Variants in TBC1D5 observed in about 807,000 individuals in gnomAD.
TBC1D5 encodes TBC1 domain family, member 5.
A neutral mutation model predicts 100.3 loss-of-function variants in TBC1D5; 75 were observed. The ratio of observed to expected loss-of-function variants is 0.75; its 90% CI spans 0.62 to 0.91. The LOEUF (loss-of-function observed/expected upper bound fraction) is 0.91. TBC1D5 is among the 40% of genes least tolerant of loss of function. The pLI is 0.00. For missense variants in TBC1D5, 910 were observed against 942.4 expected, an observed-to-expected ratio of 0.97 and a Z score of 0.45; for synonymous variants, 323 against 325.6, an observed-to-expected ratio of 0.99 and a Z score of 0.09.
intron 18 of TBC1D5, among the ~76,000 whole-genome samples, chr3:17,186,749 AAAAAG>A (rs1303053641): frequency 5.3e-5 from 8 of 150,208 alleles, no homozygotes; most frequent in South Asian, 2.1e-4. Flanking sequence ...AAAAAATTAA[AAAAAG>A]AAAAGAAAAG....
At chr3:17,184,285 G>A (rs1226922563) in intron 19 of TBC1D5, among the ~76,000 whole-genome samples, 1 of 152,180 alleles carries the variant, frequency 6.6e-6, no homozygotes, top group Non-Finnish European at 1.5e-5. Context: ...AGCACAGTCA[G>A]AAGTAAGAAA....
chr3:17,724,155 C>T (rs773024630), intron 1 of TBC1D5, among the ~76,000 whole-genome samples: 1 of 150,794 alleles, frequency 6.6e-6, no homozygotes, highest in Non-Finnish European at 1.5e-5. Context: ...TCACAACTCA[C>T]TGCAGCCTCA....
intron 13 of TBC1D5, among the ~76,000 whole-genome samples, chr3:17,367,021 C>T (rs917255685): frequency 1.3e-5 from 2 of 152,152 alleles, no homozygotes; most frequent in Non-Finnish European, 2.9e-5. Context: ...TTAACAGTGA[C>T]GAAGCCCAAG....
At chr3:17,554,723 T>C (rs557074961) in intron 2 of TBC1D5, among the ~76,000 whole-genome samples, 2 of 152,328 alleles carry the variant, frequency 1.3e-5, no homozygotes, top group Admixed American at 1.3e-4. Context: ...ATGCAGAATT[T>C]GGATACTAAA....
intron 3 of TBC1D5, among the ~76,000 whole-genome samples, chr3:17,477,967 A>G (rs1323423086): frequency 6.6e-6 from 1 of 152,072 alleles, no homozygotes; most frequent in Non-Finnish European, 1.5e-5. Context: ...TTCTGAATGG[A>G]TTTTAGAAAG....
chr3:17,223,631 C>G (rs1384734427), intron 17 of TBC1D5, among the ~76,000 whole-genome samples: 1 of 152,304 alleles, frequency 6.6e-6, no homozygotes, highest in East Asian at 1.9e-4. Flanking sequence ...GAGGCCAAGG[C>G]TGGTGGATCA....
intron 16 of TBC1D5, among the ~76,000 whole-genome samples, chr3:17,253,754 T>A (rs998434853): frequency 1.3e-5 from 2 of 152,244 alleles, no homozygotes; most frequent in Non-Finnish European, 2.9e-5. Flanking sequence ...CTTCTCTGAC[T>A]AGCGTTTTTT....
intron 1 of TBC1D5, among the ~76,000 whole-genome samples, chr3:17,694,466 C>T (rs2071681190): frequency 6.6e-6 from 1 of 152,136 alleles, no homozygotes; most frequent in Non-Finnish European, 1.5e-5. Flanking sequence ...GCGTCAACAG[C>T]CGATTTGATC....
At chr3:17,515,715 C>G (rs558400171) in intron 2 of TBC1D5, among the ~76,000 whole-genome samples, 1 of 151,964 alleles carries the variant, frequency 6.6e-6, no homozygotes, top group Non-Finnish European at 1.5e-5. Context: ...CAAGCTGTTT[C>G]GAAATCTGAG....
chr3:17,181,324 C>A (rs1185378660), intron 19 of TBC1D5, among the ~76,000 whole-genome samples: 1 of 152,164 alleles, frequency 6.6e-6, no homozygotes, highest in Non-Finnish European at 1.5e-5. Flanking sequence ...TATTACTCAG[C>A]TCTACGGCCA....
At chr3:17,353,231 T>C (rs2090843371) in intron 13 of TBC1D5, among the ~76,000 whole-genome samples, 1 of 152,054 alleles carries the variant, frequency 6.6e-6, no homozygotes, top group Admixed American at 6.6e-5. Context: ...CACATTTTAC[T>C]CTTTTAGGGG....
At chr3:17,412,056 T>C (rs1415611943) in intron 4 of TBC1D5, among the ~76,000 whole-genome samples, 1 of 152,194 alleles carries the variant, frequency 6.6e-6, no homozygotes, top group East Asian at 1.9e-4. Flanking sequence ...TGCTTAGCAC[T>C]CACAGGCATA....
intron 19 of TBC1D5, among the ~76,000 whole-genome samples, chr3:17,169,868 A>T (rs1009979065): frequency 6.6e-6 from 1 of 152,152 alleles, no homozygotes; most frequent in Non-Finnish European, 1.5e-5. Flanking sequence ...TGGTTTCGCG[A>T]TGAAACTGTT....
At chr3:17,618,449 A>T (rs1159582486) in intron 2 of TBC1D5, among the ~76,000 whole-genome samples, 2 of 152,180 alleles carry the variant, frequency 1.3e-5, no homozygotes, top group African/African-American at 2.4e-5. Context: ...TTAGACAGGG[A>T]CGTTTAAGTC....
At chr3:17,222,706 G>T (rs1379315512) in intron 17 of TBC1D5, among the ~76,000 whole-genome samples, 6 of 151,604 alleles carry the variant, frequency 4.0e-5, no homozygotes, top group African/African-American at 1.5e-4. Context: ...GGTTCCTAGG[G>T]TGTGTCATTT....
chr3:17,484,318 A>G (rs2095533820), intron 3 of TBC1D5, among the ~76,000 whole-genome samples: 1 of 152,232 alleles, frequency 6.6e-6, no homozygotes, highest in Admixed American at 6.5e-5. Flanking sequence ...TATGGTGTGC[A>G]TAGAACTAAA....
At chr3:17,178,178 G>A (rs995815542) in intron 19 of TBC1D5, among the ~76,000 whole-genome samples, 3 of 149,512 alleles carry the variant, frequency 2.0e-5, no homozygotes, top group Non-Finnish European at 4.4e-5. Flanking sequence ...CCATTCTCCT[G>A]CCTCAGCCTC....
chr3:17,524,841 G>A (rs1015051963), intron 2 of TBC1D5: 4 of 152,016 alleles, frequency 2.6e-5, no homozygotes, highest in Non-Finnish European at 1.5e-5. Flanking sequence ...TACAGCCTGA[G>A]TGACAAGACA....
intron 2 of TBC1D5, among the ~76,000 whole-genome samples, chr3:17,575,914 T>G (rs980369807): frequency 2.6e-5 from 4 of 152,160 alleles, no homozygotes; most frequent in African/African-American, 9.7e-5. Flanking sequence ...GAAATTAAAT[T>G]CTTGGCTTTG....
Sources: allele counts gnomAD v4.1 joint callset (sites outside exome capture counted in the v4.1 genomes callset), GRCh38; gene constraint gnomAD v4.1.1; transcripts MANE v1.5; gene names NCBI Gene and HGNC (gene_info 2026-07-23, HGNC 2026-07-21).